FAM13A: variants seen among roughly 807,000 people sequenced by gnomAD.
FAM13A encodes family with sequence similarity 13 member A.
A neutral mutation model predicts 129.6 loss-of-function variants in FAM13A; 76 were observed. The ratio of observed to expected loss-of-function variants is 0.59; its 90% CI spans 0.49 to 0.71. The LOEUF is 0.71. FAM13A is among the 30% of genes least tolerant of loss of function. FAM13A has a pLI of 0.00. For missense variants in FAM13A, 1,108 were observed against 1,249.3 expected, an observed-to-expected ratio of 0.89 and a Z score of 1.70; for synonymous variants, 443 against 449.9, an observed-to-expected ratio of 0.98 and a Z score of 0.20.
At chr4:88,944,925 T>C (rs1755421487) in intron 4 of FAM13A, among the ~76,000 whole-genome samples, 1 of 150,500 alleles carries the variant, frequency 6.6e-6, no homozygotes, top group Admixed American at 6.6e-5. Context: ...AAAAGTTCAA[T>C]CTGAGATCCC....
chr4:88,895,438 G>A (rs1455168642), intron 6 of FAM13A, among the ~76,000 whole-genome samples: 2 of 150,920 alleles, frequency 1.3e-5, no homozygotes, highest in African/African-American at 2.4e-5. Flanking sequence ...TTAAACTAAA[G>A]AGCTTCTGTA....
intron 5 of FAM13A, among the ~76,000 whole-genome samples, chr4:88,923,954 T>C (rs1158656526): frequency 3.9e-5 from 6 of 152,130 alleles, no homozygotes; most frequent in Non-Finnish European, 7.4e-5. Context: ...CCATTCACAA[T>C]TGCTTCAAAG....
intron 5 of FAM13A, among the ~76,000 whole-genome samples, chr4:88,917,971 C>T (rs1469462657): frequency 5.3e-5 from 8 of 152,186 alleles, no homozygotes; most frequent in African/African-American, 1.9e-4. Flanking sequence ...AGCCGACTCT[C>T]CCAGTGGCAG....
intron 2 of FAM13A, among the ~76,000 whole-genome samples, chr4:89,025,126 T>C (rs1767753946): frequency 6.6e-6 from 1 of 152,148 alleles, no homozygotes; most frequent in Admixed American, 6.5e-5. Flanking sequence ...TCTGATAGAG[T>C]TCATTACACA....
intron 7 of FAM13A, among the ~76,000 whole-genome samples, chr4:88,806,591 T>C (rs1176319255): frequency 6.6e-6 from 1 of 152,190 alleles, no homozygotes; most frequent in Non-Finnish European, 1.5e-5. Context: ...CTCTCATGAT[T>C]TGGGTTTCCA....
intron 21 of FAM13A, among the ~76,000 whole-genome samples, chr4:88,734,439 A>G (rs1738543203): frequency 6.6e-6 from 1 of 152,248 alleles, no homozygotes; most frequent in African/African-American, 2.4e-5. Flanking sequence ...TAAAAAAGCT[A>G]GATTTAGTGT....
chr4:88,862,454 G>A (rs1439242939), intron 6 of FAM13A, among the ~76,000 whole-genome samples: 1 of 152,168 alleles, frequency 6.6e-6, no homozygotes, highest in Non-Finnish European at 1.5e-5. Flanking sequence ...GACTCAGACT[G>A]TTAAGGCAGT....
intron 11 of FAM13A, among the ~76,000 whole-genome samples, chr4:88,777,087 G>T (rs1721883646): frequency 6.6e-6 from 1 of 151,896 alleles, no homozygotes; most frequent in African/African-American, 2.4e-5. Context: ...TTGACTCAAA[G>T]TATTAAACTC....
chr4:88,731,051 T>A (rs1268189909), intron 23 of FAM13A, among the ~76,000 whole-genome samples: 1 of 152,110 alleles, frequency 6.6e-6, no homozygotes, highest in East Asian at 1.9e-4. Flanking sequence ...AGATAAGAAT[T>A]TGATGGGACA....
intron 5 of FAM13A, among the ~76,000 whole-genome samples, chr4:88,913,935 T>C (rs1232894757): frequency 6.6e-6 from 1 of 151,762 alleles, no homozygotes; most frequent in African/African-American, 2.4e-5. Flanking sequence ...TCTGTCAGTC[T>C]GAGGTTGCAG....
At chr4:88,900,807 T>A (rs1747174100) in intron 6 of FAM13A, among the ~76,000 whole-genome samples, 1 of 152,104 alleles carries the variant, frequency 6.6e-6, no homozygotes, top group Non-Finnish European at 1.5e-5. Context: ...ATGCTAACTT[T>A]AAATGTAAAT....
chr4:88,845,244 C>T (rs936733638), intron 7 of FAM13A, among the ~76,000 whole-genome samples: 3 of 150,678 alleles, frequency 2.0e-5, no homozygotes, highest in Admixed American at 2.0e-4. Flanking sequence ...GTCTGGTGGT[C>T]GGGAGAATGA....
At chr4:89,028,422 C>T (rs1768265418) in intron 2 of FAM13A, among the ~76,000 whole-genome samples, 1 of 151,682 alleles carries the variant, frequency 6.6e-6, no homozygotes, top group Non-Finnish European at 1.5e-5. Flanking sequence ...ATGGCTCATG[C>T]CTATAATCCC....
chr4:88,744,444 C>T (rs903081424), intron 19 of FAM13A, among the ~76,000 whole-genome samples: 2 of 152,200 alleles, frequency 1.3e-5, no homozygotes, highest in African/African-American at 4.8e-5. Flanking sequence ...AGAGTGCCCT[C>T]AGAGTGCCCT....
At chr4:89,035,916 A>T (rs1769330312) in intron 1 of FAM13A, among the ~76,000 whole-genome samples, 1 of 152,180 alleles carries the variant, frequency 6.6e-6, no homozygotes, top group South Asian at 2.1e-4. Context: ...GTCTCAGGTA[A>T]GGACATGAGA....
chr4:88,960,538 C>T (rs1222781715), intron 4 of FAM13A, among the ~76,000 whole-genome samples: 5 of 152,116 alleles, frequency 3.3e-5, no homozygotes, highest in African/African-American at 1.2e-4. Flanking sequence ...AAGTGCACAA[C>T]AATAAACTGA....
chr4:88,976,994 C>T (rs370532495), intron 4 of FAM13A, among the ~76,000 whole-genome samples: 41 of 152,156 alleles, frequency 2.7e-4, no homozygotes, highest in East Asian at 1.5e-3. Context: ...TTTGTGTAAG[C>T]ACACTCTATG....
intron 6 of FAM13A, among the ~76,000 whole-genome samples, chr4:88,896,296 C>T (rs2446297): frequency 7.0e-6 from 1 of 142,574 alleles, no homozygotes. Flanking sequence ...GGGAGGGATA[C>T]CATTGGGAGA....
chr4:88,752,587 AT>A (rs1742843527), intron 14 of FAM13A, among the ~76,000 whole-genome samples: 1 of 152,204 alleles, frequency 6.6e-6, no homozygotes, highest in Non-Finnish European at 1.5e-5. Flanking sequence ...ATGCTGGTAG[AT>A]GTGCCTGGCT....
Sources: gnomAD v4.1 joint callset for allele counts (sites outside exome capture counted in the v4.1 genomes callset) on GRCh38, gnomAD v4.1.1 for gene constraint, MANE v1.5 for transcripts, NCBI Gene and HGNC (gene_info 2026-07-23, HGNC 2026-07-21) for gene names.